Variants in PHC2 observed in about 807,000 individuals in gnomAD.
PHC2 encodes the protein polyhomeotic homolog 2.
In PHC2, 29 loss-of-function variants were observed where a neutral mutation model predicts 87.4. The observed-to-expected ratio is 0.33, with a 90% CI of 0.25 to 0.45. The LOEUF is 0.45. Ranked by LOEUF, PHC2 falls within the 20% of genes least tolerant of loss-of-function variation. The probability of loss-of-function intolerance (pLI) is 1.00; values close to 1 mark genes in which losing one functional copy is unlikely to be tolerated. For missense variants in PHC2, 857 were observed against 1,136.7 expected (o/e 0.75, Z 3.54); for synonymous variants, 438 against 461.7 (o/e 0.95, Z 0.66).
In PHC2 at chr1:33,349,316, C is replaced by G. The variant is rs1646910744; in HGVS notation, c.1558+5085G>C. On this transcript the variant is annotated intron_variant, in intron 9 of 14. Coordinates refer to ENST00000683057, the MANE Select transcript of PHC2 (RefSeq NM_001385109.1). This position sits in a 1 kb window ranked among gnomAD's most constrained non-coding sequence, Gnocchi z 4.2. Reference sequence around the variant, plus strand: ...CGGGGAGGCCGGTCCTAGGTTGGGGCTGGGGTGGGGTGTGCGGGGCCTGGG... The same window carrying G: ...CGGGGAGGCCGGTCCTAGGTTGGGGGTGGGGTGGGGTGTGCGGGGCCTGGG... The G allele has an allele frequency of 1.0e-6, 1 of 974,528 alleles. No individual in the cohort carries two copies. The highest frequency in any genetic ancestry group is 1.2e-6 in the Non-Finnish European group (1 of 821,784). 60.4% of individuals were successfully genotyped at this position (974,528 alleles called of 1,614,324 possible).
intron 7 of PHC2, among the ~76,000 whole-genome samples, chr1:33,357,408 A>G (rs527441470): frequency 6.6e-6 from 1 of 152,180 alleles, no homozygotes; most frequent in Non-Finnish European, 1.5e-5. Context: ...CAGAATTCCA[A>G]TAGGAATGGA....
At chr1:33,390,865 C>T (rs1446588966) in intron 1 of PHC2, among the ~76,000 whole-genome samples, 1 of 151,962 alleles carries the variant, frequency 6.6e-6, no homozygotes, top group Non-Finnish European at 1.5e-5. Context: ...GGATTTGGCC[C>T]TTGGTTTATG....
At position 33,332,303 on chromosome 1, in the gene PHC2, G is replaced by A. The variant is rs754538871; in HGVS notation, c.1863C>T (p.Asp621=). ...LPQQDHTTTT[D]SEMEEPYLQE... ...GCAGATAGGGCTCCTCCATCTCCGA[G>A]TCAGTGGTGGTGGTGTGATCCTGCT... Residue 621 remains aspartate, a synonymous_variant, in exon 11 of 15, where the codon GAC becomes GAT. Coordinates refer to ENST00000683057, the MANE Select transcript of PHC2 (RefSeq NM_001385109.1). This position sits in a 1 kb window ranked among gnomAD's most constrained non-coding sequence, Gnocchi z 4.2. 7 of 1,614,178 alleles carry A rather than the reference G, an allele frequency of 4.3e-6. No individual in the cohort carries two copies. Among genetic ancestry groups the A allele is most frequent in the Non-Finnish European group, 5.9e-6 (7 of 1,180,032 alleles).
At position 33,349,780 on chromosome 1, in the gene PHC2, G is replaced by T. The variant is rs1056313606; in HGVS notation, c.1558+4621C>A. ...GGCCTGGCCGGCGTCAACAAAGGGC[G>T]GCCGGGGCGCGAGGCCGGGACGGGG... On this transcript the variant is annotated intron_variant, in intron 9 of 14. Coordinates refer to ENST00000683057, the MANE Select transcript of PHC2 (RefSeq NM_001385109.1). This position sits in a 1 kb window ranked among gnomAD's most constrained non-coding sequence, Gnocchi z 4.2. 538 of 979,496 alleles carry T rather than the reference G, an allele frequency of 5.5e-4. No homozygotes were observed. The highest frequency in any genetic ancestry group is 6.3e-4 in the Non-Finnish European group (518 of 827,378). 60.7% of individuals were successfully genotyped at this position (979,496 alleles called of 1,614,324 possible). A position where few individuals can be genotyped will look rare whatever the true frequency, so the allele number is the denominator to read the frequency against.
chr1:33,324,872 T>A lies in PHC2; in HGVS notation c.2573A>T (p.Asp858Val), dbSNP rs1197083327. 6.2e-7 allele frequency: 1 copy of A among 1,611,912 alleles called. No homozygotes were observed. Among genetic ancestry groups the A allele is most frequent in the Non-Finnish European group, 8.5e-7 (1 of 1,178,686 alleles). ...TCCTGGCTGCCACCAGCCCTAGGAG[T>A]CCTTGAGCATGCTGATGCGGGCGTA... Reference protein sequence around the residue: ...KIYARISMLKDS With the variant: ...KIYARISMLKVS The change falls in exon 15 of 15, where the codon GAC becomes GTC. Residue 858 changes from aspartate to valine, a missense_variant. This residue lies in a region of PHC2 where 22 missense variants were observed against 36.0 expected (regional missense o/e 0.61). Transcript: ENST00000683057.
Position 33,357,747 on chromosome 1 carries a change from G to A in PHC2, c.977-2494C>T, listed in dbSNP as rs1336905363. Reference sequence around the variant, plus strand: ...GAGAAGACTGTTGATAAGGCACCTGGGAGACACTGAAGAGGCCACACAGGA... The same window carrying A: ...GAGAAGACTGTTGATAAGGCACCTGAGAGACACTGAAGAGGCCACACAGGA... On this transcript the variant is annotated intron_variant, in intron 7 of 14. Coordinates refer to ENST00000683057, the MANE Select transcript of PHC2 (RefSeq NM_001385109.1). Among the ~76,000 whole-genome samples the A allele has an allele frequency of 2.6e-5, 4 of 152,222 alleles. No homozygotes were observed. The East Asian group carries it at 7.7e-4, about 29-fold the overall frequency.
chr1:33,332,803 A>G lies in PHC2; in HGVS notation c.1762-399T>C, dbSNP rs1344822680. On this transcript the variant is annotated intron_variant, in intron 10 of 14. Transcript: ENST00000683057. This position sits in a 1 kb window ranked among gnomAD's most constrained non-coding sequence, Gnocchi z 4.2. ...GGCTGTACATACGAGAGAGAGACTC[A>G]GCACCCATTTTCTGATTTTTTTACT... is the stretch of plus-strand genomic sequence containing the variant. Among the ~76,000 whole-genome samples, 2 of 152,144 alleles carry G rather than the reference A, an allele frequency of 1.3e-5. No individual in the cohort carries two copies. The highest frequency in any genetic ancestry group is 1.9e-4 in the East Asian group (1 of 5,194).
chr1:33,396,758 G>A (rs1359743272), intron 1 of PHC2, among the ~76,000 whole-genome samples: 4 of 152,180 alleles, frequency 2.6e-5, no homozygotes, highest in Non-Finnish European at 5.9e-5. Flanking sequence ...ACTGATAAGA[G>A]CTGCGGTCAG....
chr1:33,352,813 C>T (rs4652856), intron 9 of PHC2, among the ~76,000 whole-genome samples: 106,343 of 152,058 alleles, frequency 0.7, 37,687 homozygotes, highest in African/African-American at 0.8. Context: ...GAGTGACTAC[C>T]GTAGGAGTCA....
At chr1:33,413,306 C>T (rs571964085) in intron 1 of PHC2, among the ~76,000 whole-genome samples, 22 of 152,272 alleles carry the variant, frequency 1.4e-4, no homozygotes, top group Admixed American at 5.2e-4. Flanking sequence ...GTCTGTACCA[C>T]GACAACAGAA....
At position 33,326,081 on chromosome 1, in the gene PHC2, A is replaced by C. The variant is rs145868949; in HGVS notation, c.2426-1062T>G. 168 of 336,742 alleles carry C rather than the reference A, an allele frequency of 5.0e-4. 1 individual carries two copies. Among genetic ancestry groups the C allele is most frequent in the African/African-American group, 3.3e-3 (155 of 46,662 alleles). 20.9% of individuals were successfully genotyped at this position (336,742 alleles called of 1,614,324 possible). ...CAGAAATGTAAGTTGAATGTACCTC[A>C]TGAAGTGGGTGGTCTAGCTAAGGAG... is the stretch of plus-strand genomic sequence containing the variant. On this transcript the variant is annotated intron_variant, in intron 14 of 14. Coordinates refer to ENST00000683057, the MANE Select transcript of PHC2 (RefSeq NM_001385109.1).
In PHC2 at chr1:33,332,604, G is replaced by A; in HGVS notation, c.1762-200C>T. ...GGCTCACGAGGTAAGATGCTAATGG[G>A]CAAAGTACAGGGATGGCTTCTGTCC... is the stretch of plus-strand genomic sequence containing the variant. On this transcript the variant is annotated intron_variant, in intron 10 of 14. Transcript: ENST00000683057. The surrounding 1 kb of genome is among the most constrained non-coding windows in gnomAD (Gnocchi z 4.2). 1.7e-6 allele frequency: 1 copy of A among 592,186 alleles called. No individual in the cohort carries two copies. Among genetic ancestry groups the A allele is most frequent in the East Asian group, 3.0e-5 (1 of 33,474 alleles). 36.7% of individuals were successfully genotyped at this position (592,186 alleles called of 1,614,324 possible). A position where few individuals can be genotyped will look rare whatever the true frequency, so the allele number is the denominator to read the frequency against.
intron 1 of PHC2, among the ~76,000 whole-genome samples, chr1:33,411,236 T>C (rs891039884): frequency 6.6e-6 from 1 of 152,204 alleles, no homozygotes; most frequent in Non-Finnish European, 1.5e-5. Context: ...TGGTTTATAT[T>C]TCACTAAAAT....
At chr1:33,336,556 G>A (rs1646641173) in intron 9 of PHC2, 1 of 152,146 alleles carries the variant, frequency 6.6e-6, no homozygotes. Context: ...AACAGCTTTG[G>A]CTTTTCTGTA....
chr1:33,398,810 G>T (rs924116973), intron 1 of PHC2, among the ~76,000 whole-genome samples: 1 of 152,294 alleles, frequency 6.6e-6, no homozygotes, highest in African/African-American at 2.4e-5. Flanking sequence ...GGGAGGCACT[G>T]GTTTCTAGGA....
At chr1:33,352,026 G>T (rs557604386) in intron 9 of PHC2, among the ~76,000 whole-genome samples, 1 of 151,102 alleles carries the variant, frequency 6.6e-6, no homozygotes, top group African/African-American at 2.4e-5. Context: ...TGTTTCCACT[G>T]TGTAAAGCTT....
chr1:33,372,344 A>G lies in PHC2; in HGVS notation c.278T>C (p.Leu93Pro). The change falls in exon 3 of 15, where the codon CTC (leucine) becomes CCC (proline). Residue 93 changes from leucine (L) to proline (P), a missense_variant. Transcript: ENST00000683057. The part of the protein sequence containing the change: ...QQHLMLQTAA[L>P]QQQHLSSAQL... The stretch of plus-strand genomic sequence containing the variant: ...GGCGCTGCTGAGGTGCTGCTGCTGG[A>G]GCGCCGCGGTCTGCAGCATGAGGTG... 6.2e-7 allele frequency: 1 copy of G among 1,602,896 alleles called. No homozygotes were observed. The highest frequency in any genetic ancestry group is 1.3e-5 in the African/African-American group (1 of 74,684).
intron 9 of PHC2, among the ~76,000 whole-genome samples, chr1:33,344,347 A>G (rs1311559732): frequency 6.6e-6 from 1 of 152,180 alleles, no homozygotes; most frequent in Non-Finnish European, 1.5e-5. Flanking sequence ...AGCATCACTA[A>G]TATTGTTAGA....
At chr1:33,414,380 G>A (rs1028817518) in intron 1 of PHC2, among the ~76,000 whole-genome samples, 2 of 152,166 alleles carry the variant, frequency 1.3e-5, no homozygotes, top group African/African-American at 4.8e-5. Flanking sequence ...GGCTTCTACA[G>A]TTTAAAAAGT....
Sources: gnomAD v4.1 joint callset for allele counts (sites outside exome capture counted in the v4.1 genomes callset) on GRCh38, gnomAD v4.1.1 for gene constraint, gnomAD v4.1.1 regional missense constraint, Gnocchi (gnomAD v3.1) non-coding constraint, MANE v1.5 for transcripts, NCBI Gene and HGNC (gene_info 2026-07-23, HGNC 2026-07-21) for gene names.